Variants in PCDHGA10 observed in about 807,000 individuals in gnomAD.
PCDHGA10 encodes the protein protocadherin gamma subfamily A, 10, also known as protocadherin gamma-A10.
PCDHGA10 carries 42 observed loss-of-function variants against 59.5 expected under a neutral mutation model. The ratio of observed to expected loss-of-function variants is 0.71; its 90% CI spans 0.55 to 0.91. The LOEUF (loss-of-function observed/expected upper bound fraction) is 0.91. Ranked by LOEUF, PCDHGA10 falls within the 40% of genes least tolerant of loss-of-function variation. The pLI is 0.00. For missense variants in PCDHGA10, 1,111 were observed against 1,198.2 expected, an observed-to-expected ratio of 0.93 and a Z score of 1.07; for synonymous variants, 511 against 517.2, an observed-to-expected ratio of 0.99 and a Z score of 0.16.
intron 1 of PCDHGA10, among the ~76,000 whole-genome samples, chr5:141,458,063 G>A (rs1011861177): frequency 1.3e-5 from 2 of 152,190 alleles, no homozygotes; most frequent in African/African-American, 4.8e-5. Context: ...CTGCACTGAT[G>A]CGAACAACTA....
rs777115265 is a variant in PCDHGA10, at chr5:141,485,247, G to C, written c.2437-9560G>C. ...CTTTTGTTCCTCTTTTACCACCTGG[G>C]TTACGTTTGTGGGCAGATCCGCTAC... On this transcript the variant is annotated intron_variant, in intron 1 of 3. Coordinates refer to ENST00000398610, the MANE Select transcript of PCDHGA10 (RefSeq NM_018913.3). This position sits in a 1 kb window ranked among gnomAD's most constrained non-coding sequence, Gnocchi z 5.7. 8.7e-6 allele frequency: 14 copies of C among 1,614,156 alleles called. No homozygotes were observed. In the African/African-American group the frequency reaches 1.6e-4, roughly 18 times the overall value.
At position 141,413,152 on chromosome 5, in the gene PCDHGA10, G is replaced by C; in HGVS notation, c.-24G>C. 2 of 1,574,694 alleles carry C rather than the reference G, an allele frequency of 1.3e-6. No homozygotes were observed. The highest frequency in any genetic ancestry group is 1.7e-6 in the Non-Finnish European group (2 of 1,160,248). ...ACACAACGTGTCCAGTGAGGACTTT[G>C]CAGAATTCTGTAACCAGACTACAAT... On this transcript the variant is annotated 5_prime_UTR_variant, in exon 1 of 4. Coordinates refer to ENST00000398610, the MANE Select transcript of PCDHGA10 (RefSeq NM_018913.3).
intron 1 of PCDHGA10, chr5:141,427,739 C>G: frequency 2.4e-6 from 3 of 1,232,634 alleles, no homozygotes; most frequent in Non-Finnish European, 3.5e-6. Context: ...ATGGCCAAGT[C>G]TCCTACTCCA....
rs762910422 is a variant in PCDHGA10, at chr5:141,485,747, C to T, written c.2437-9060C>T. ...GAAGCGCAGCGACGGCAGCCTGGTCCCAGAGCTGCTCCTGGAGAAGCCTTT... is the reference window on the plus strand; with the variant it reads ...GAAGCGCAGCGACGGCAGCCTGGTCTCAGAGCTGCTCCTGGAGAAGCCTTT... On this transcript the variant is annotated intron_variant, in intron 1 of 3. Coordinates refer to ENST00000398610, the MANE Select transcript of PCDHGA10 (RefSeq NM_018913.3). This position sits in a 1 kb window ranked among gnomAD's most constrained non-coding sequence, Gnocchi z 5.7. 1 of 1,614,162 alleles carries T rather than the reference C, an allele frequency of 6.2e-7. No individual in the cohort carries two copies.
intron 1 of PCDHGA10, chr5:141,422,953 G>A: frequency 6.2e-7 from 1 of 1,614,232 alleles, no homozygotes; most frequent in Non-Finnish European, 8.5e-7. Context: ...CTCCACTGGC[G>A]TGGAGCTGGC....
At chr5:141,437,761 C>T (rs1200327020) in intron 1 of PCDHGA10, among the ~76,000 whole-genome samples, 1 of 144,680 alleles carries the variant, frequency 6.9e-6, no homozygotes, top group African/African-American at 2.6e-5. Context: ...TTTTTTGAGA[C>T]AGAGTCTCAA....
In PCDHGA10 at chr5:141,432,172, C is replaced by G. The variant is rs562175068; in HGVS notation, c.2436+16561C>G. On this transcript the variant is annotated intron_variant, in intron 1 of 3. Transcript: ENST00000398610. This position sits in a 1 kb window ranked among gnomAD's most constrained non-coding sequence, Gnocchi z 6.0. ...AGAACAATCCCAGAGGAGTTTCCCTCGTCTCTGTGACCGCCCACGACCCCG... is the reference window on the plus strand; with the variant it reads ...AGAACAATCCCAGAGGAGTTTCCCTGGTCTCTGTGACCGCCCACGACCCCG... 9 of 1,614,034 alleles carry G rather than the reference C, an allele frequency of 5.6e-6. No homozygotes were observed. The highest frequency in any genetic ancestry group is 7.6e-6 in the Non-Finnish European group (9 of 1,180,046).
intron 1 of PCDHGA10, chr5:141,418,374 T>C: frequency 1.2e-6 from 2 of 1,613,968 alleles, no homozygotes; most frequent in Non-Finnish European, 1.7e-6. Flanking sequence ...AAATACCAAC[T>C]AAGTCCTAAC....
chr5:141,451,745 G>T (rs562443882), intron 1 of PCDHGA10, among the ~76,000 whole-genome samples: 36 of 152,242 alleles, frequency 2.4e-4, no homozygotes, highest in Middle Eastern at 3.4e-3. Context: ...AGCTGGTCTG[G>T]TGGTGCATGC....
At chr5:141,418,124 C>A (rs762154093) in intron 1 of PCDHGA10, 33 of 1,613,836 alleles carry the variant, frequency 2.0e-5, no homozygotes, top group East Asian at 1.3e-4. Flanking sequence ...TGTGAAGGAC[C>A]GAATAGACCG....
intron 1 of PCDHGA10, among the ~76,000 whole-genome samples, chr5:141,437,331 A>G (rs2097876062): frequency 6.6e-6 from 1 of 152,244 alleles, no homozygotes; most frequent in Non-Finnish European, 1.5e-5. Context: ...TAAAATTTGT[A>G]GCTTCACTGT....
chr5:141,453,560 G>A (rs1230229107), intron 1 of PCDHGA10, among the ~76,000 whole-genome samples: 3 of 151,968 alleles, frequency 2.0e-5, no homozygotes, highest in Admixed American at 6.6e-5. Flanking sequence ...GTAGATAATC[G>A]ATTTCATTAG....
rs758132181 is a variant in PCDHGA10, at chr5:141,486,827, C to T, written c.2437-7980C>T. On this transcript the variant is annotated intron_variant, in intron 1 of 3. Coordinates refer to ENST00000398610, the MANE Select transcript of PCDHGA10 (RefSeq NM_018913.3). This position sits in a 1 kb window ranked among gnomAD's most constrained non-coding sequence, Gnocchi z 5.0. The stretch of plus-strand genomic sequence containing the variant: ...ACCCCTTAGCAGCACTGTAACAGTT[C>T]GTCTATTTGTGCTGGACCTCAATGA... 10 of 1,614,110 alleles carry T rather than the reference C, an allele frequency of 6.2e-6. No individual in the cohort carries two copies. The African/African-American group carries it at 8.0e-5, about 13-fold the overall frequency.
chr5:141,512,702 C>T lies in PCDHGA10; in HGVS notation c.*1529C>T, dbSNP rs940927635. 2.0e-5 allele frequency: 3 copies of T among 152,828 alleles called. No homozygotes were observed. Among genetic ancestry groups the T allele is most frequent in the Non-Finnish European group, 2.9e-5 (2 of 68,560 alleles). The allele number at this position is 152,828 out of a possible 1,614,324, so 9.5% of individuals were successfully genotyped here. ...ATAGCCAGTAGTGTAGTGCGGTGTG[C>T]TTTTACGTGATGGCGGGTGGGCAGC... On this transcript the variant is annotated 3_prime_UTR_variant, in exon 4 of 4. Transcript: ENST00000398610.
In PCDHGA10 at chr5:141,419,332, C is replaced by T. The variant is rs1356380695; in HGVS notation, c.2436+3721C>T. On this transcript the variant is annotated intron_variant, in intron 1 of 3. Transcript: ENST00000398610. Reference sequence around the variant, plus strand: ...TCAACGGCCGTGTCTCCTACTCTCTCATTGCCAGCGACCTGGAGTCACGAA... The same window carrying T: ...TCAACGGCCGTGTCTCCTACTCTCTTATTGCCAGCGACCTGGAGTCACGAA... 3.7e-6 allele frequency: 6 copies of T among 1,613,832 alleles called. No individual in the cohort carries two copies. The Admixed American group carries it at 8.3e-5, about 22-fold the overall frequency.
At chr5:141,469,191 G>A (rs1431459571) in intron 1 of PCDHGA10, among the ~76,000 whole-genome samples, 1 of 151,882 alleles carries the variant, frequency 6.6e-6, no homozygotes, top group Admixed American at 6.6e-5. Flanking sequence ...CAAGAGGATT[G>A]CTTGAGCCTT....
chr5:141,487,123 T>C lies in PCDHGA10; in HGVS notation c.2437-7684T>C. 6.2e-7 allele frequency: 1 copy of C among 1,614,086 alleles called. No homozygotes were observed. The highest frequency in any genetic ancestry group is 1.1e-5 in the South Asian group (1 of 91,082). On this transcript the variant is annotated intron_variant, in intron 1 of 3. Coordinates refer to ENST00000398610, the MANE Select transcript of PCDHGA10 (RefSeq NM_018913.3). The surrounding 1 kb of genome is among the most constrained non-coding windows in gnomAD (Gnocchi z 5.0). ...AGCTGGTCATTGTGGTAAAGGATAG[T>C]GGTAGTCCACCACTCTCTACCTCTG...
chr5:141,502,179 A>C (rs1403845758), intron 2 of PCDHGA10, among the ~76,000 whole-genome samples: 3 of 152,218 alleles, frequency 2.0e-5, no homozygotes, highest in African/African-American at 7.2e-5. Context: ...GGAATTTAAC[A>C]TTAATACAAT....
intron 1 of PCDHGA10, among the ~76,000 whole-genome samples, chr5:141,472,071 A>G (rs1243864250): frequency 6.6e-6 from 1 of 152,200 alleles, no homozygotes. Context: ...GTCTGTGGTT[A>G]TATCAATGAG....
Sources: gnomAD v4.1 joint callset for allele counts (sites outside exome capture counted in the v4.1 genomes callset) on GRCh38, gnomAD v4.1.1 for gene constraint, Gnocchi (gnomAD v3.1) non-coding constraint, MANE v1.5 for transcripts, NCBI Gene and HGNC (gene_info 2026-07-23, HGNC 2026-07-21) for gene names.